The following EBF1 variants were observed in gnomAD, a reference collection of about 807,000 sequenced individuals.
The protein encoded by EBF1 is EBF transcription factor 1.
A neutral mutation model predicts 68.4 loss-of-function variants in EBF1; 10 were observed. The observed-to-expected ratio is 0.15, with a 90% CI of 0.09 to 0.25. The LOEUF is 0.25. EBF1 is among the 10% of genes least tolerant of loss of function. EBF1 has a pLI of 1.00. For missense variants in EBF1, 509 were observed against 794.4 expected (o/e 0.64, Z 4.32); for synonymous variants, 298 against 299.8 (o/e 0.99, Z 0.06).
chr5:158,818,906 G>A (rs546558519), intron 8 of EBF1, among the ~76,000 whole-genome samples: 141 of 145,888 alleles, frequency 9.7e-4, no homozygotes, highest in African/African-American at 3.5e-3. Flanking sequence ...AAATAAATAT[G>A]AAGGATGCAC....
chr5:159,022,638 G>T (rs1329702456), intron 6 of EBF1, among the ~76,000 whole-genome samples: 1 of 152,214 alleles, frequency 6.6e-6, no homozygotes, highest in Non-Finnish European at 1.5e-5. Flanking sequence ...ACAGGCAAAA[G>T]GGCTTTCTGC....
intron 6 of EBF1, among the ~76,000 whole-genome samples, chr5:159,064,170 A>G (rs570093450): frequency 1.3e-5 from 2 of 152,224 alleles, no homozygotes; most frequent in South Asian, 2.1e-4. Flanking sequence ...GTGTATATAT[A>G]TGTGTTTATA....
chr5:159,063,509 CTATTT>C (rs1776227703), intron 6 of EBF1, among the ~76,000 whole-genome samples: 1 of 152,122 alleles, frequency 6.6e-6, no homozygotes, highest in African/African-American at 2.4e-5. Flanking sequence ...ACTATTCCAA[CTATTT>C]TTGGGGGACT....
intron 10 of EBF1, among the ~76,000 whole-genome samples, chr5:158,757,163 A>C (rs946953147): frequency 5.3e-5 from 8 of 152,042 alleles, no homozygotes; most frequent in Non-Finnish European, 1.0e-4. Flanking sequence ...ATTTGAGAGG[A>C]GAAAAGGGCT....
At chr5:159,083,133 T>C (rs1780019266) in intron 5 of EBF1, among the ~76,000 whole-genome samples, 2 of 152,214 alleles carry the variant, frequency 1.3e-5, no homozygotes, top group African/African-American at 4.8e-5. Flanking sequence ...TTCCTGTCTG[T>C]TTCCTATTTT....
chr5:158,819,095 AG>A (rs1335070286), intron 8 of EBF1, among the ~76,000 whole-genome samples: 1 of 152,204 alleles, frequency 6.6e-6, no homozygotes, highest in East Asian at 1.9e-4. Flanking sequence ...GAGAAGGGAA[AG>A]AAAAAGAAGA....
intron 10 of EBF1, among the ~76,000 whole-genome samples, chr5:158,773,792 A>G (rs538712349): frequency 1.3e-5 from 2 of 152,246 alleles, no homozygotes; most frequent in Admixed American, 1.3e-4. Flanking sequence ...AGCAGGAGAG[A>G]TCACGATTCG....
At chr5:158,786,525 A>G (rs1777481190) in intron 9 of EBF1, among the ~76,000 whole-genome samples, 1 of 152,132 alleles carries the variant, frequency 6.6e-6, no homozygotes, top group Admixed American at 6.6e-5. Flanking sequence ...GAGCTGGAAA[A>G]GCAAGGGTGA....
chr5:158,872,265 C>T (rs1797012321), intron 6 of EBF1, among the ~76,000 whole-genome samples: 1 of 151,724 alleles, frequency 6.6e-6, no homozygotes, highest in South Asian at 2.1e-4. Context: ...GGCATGATCT[C>T]AGCTCACTGC....
At chr5:158,853,149 T>C (rs1464148603) in intron 6 of EBF1, among the ~76,000 whole-genome samples, 1 of 152,226 alleles carries the variant, frequency 6.6e-6, no homozygotes, top group Non-Finnish European at 1.5e-5. Context: ...TCCTTTTTAT[T>C]CTGTTTTGAT....
chr5:159,035,301 T>C lies in EBF1; in HGVS notation c.554+38095A>G, dbSNP rs549646618. ...GTTTTACTTCTGCTAAATGGAACAT[T>C]GGTAAAAAATAAAAAATAAATAATA... On this transcript the variant is annotated intron_variant, in intron 6 of 15. Transcript: ENST00000313708. Among the ~76,000 whole-genome samples, 9 of 152,104 alleles carry C rather than the reference T, an allele frequency of 5.9e-5. No homozygotes were observed. The South Asian group carries it at 1.9e-3, about 32-fold the overall frequency.
At chr5:158,756,552 T>G (rs2127602715) in intron 10 of EBF1, among the ~76,000 whole-genome samples, 1 of 152,240 alleles carries the variant, frequency 6.6e-6, no homozygotes, top group South Asian at 2.1e-4. Context: ...GTAATGGTTT[T>G]TGAATTCCTT....
At chr5:158,850,647 G>A (rs1469997728) in intron 6 of EBF1, among the ~76,000 whole-genome samples, 1 of 152,188 alleles carries the variant, frequency 6.6e-6, no homozygotes, top group Non-Finnish European at 1.5e-5. Flanking sequence ...TGAAATGATG[G>A]AGCTATATAC....
chr5:158,958,683 G>A (rs1438708238), intron 6 of EBF1, among the ~76,000 whole-genome samples: 5 of 151,972 alleles, frequency 3.3e-5, no homozygotes, highest in African/African-American at 9.7e-5. Context: ...ATTGCTTTGC[G>A]AAGTCACCCA....
In EBF1 at chr5:158,820,758, T is replaced by C. The variant is rs371142530; in HGVS notation, c.778+2418A>G. Among the ~76,000 whole-genome samples, 32 of 152,182 alleles carry C rather than the reference T, an allele frequency of 2.1e-4. No homozygotes were observed. The South Asian group carries it at 2.3e-3, about 11-fold the overall frequency. ...CTGTGGACTCATAAACTGAAGCAGG[T>C]GAATAAAATGCTGACTTTAAAACTT... On this transcript the variant is annotated intron_variant, in intron 8 of 15. Coordinates refer to ENST00000313708, the MANE Select transcript of EBF1 (RefSeq NM_024007.5).
intron 6 of EBF1, among the ~76,000 whole-genome samples, chr5:158,864,945 C>T (rs537490895): frequency 1.1e-3 from 161 of 152,296 alleles, no homozygotes; most frequent in African/African-American, 3.8e-3. Context: ...ATGAGCTGGA[C>T]AGCTCTGCCA....
chr5:159,074,303 AT>A (rs1181258307), intron 5 of EBF1, among the ~76,000 whole-genome samples: 2 of 152,206 alleles, frequency 1.3e-5, no homozygotes, highest in African/African-American at 4.8e-5. Flanking sequence ...AAGGGTGAAC[AT>A]TTTATGTTTT....
At chr5:158,813,691 T>C (rs1783141937) in intron 8 of EBF1, among the ~76,000 whole-genome samples, 1 of 152,178 alleles carries the variant, frequency 6.6e-6, no homozygotes, top group African/African-American at 2.4e-5. Context: ...CCTTAATTGA[T>C]GAGGAAACAG....
Position 158,708,015 on chromosome 5 carries a change from G to C in EBF1, c.1708C>G (p.Pro570Ala), listed in dbSNP as rs926679564. 6.4e-6 allele frequency: 10 copies of C among 1,550,938 alleles called. No individual in the cohort carries two copies. In the East Asian group the frequency reaches 2.4e-4, roughly 38 times the overall value. ...PVVRPQTSPP[P>A]TCTSTNGNSL... ...TTCCCGTTGGTGCTGGTGCAGGTGG[G>C]AGGTGGGGAGGTCTGGGGTCTGACG... Residue 570 changes from proline (P) to alanine (A), a missense_variant, in exon 15 of 16, where the codon CCC (proline) becomes GCC (alanine). Physicochemically the swap from Pro to Ala is conservative, Grantham distance 27 (BLOSUM62 -1). Transcript: ENST00000313708.
Sources: allele counts gnomAD v4.1 joint callset (sites outside exome capture counted in the v4.1 genomes callset), GRCh38; gene constraint gnomAD v4.1.1; transcripts MANE v1.5; gene names NCBI Gene and HGNC (gene_info 2026-07-23, HGNC 2026-07-21).